Variants in NF1 observed in about 807,000 individuals in gnomAD.
NF1 encodes neurofibromin 1, also known as neurofibromin.
In NF1, 122 loss-of-function variants were observed where a neutral mutation model predicts 325.7. The observed-to-expected ratio is 0.37, with a 90% CI of 0.32 to 0.44. The LOEUF (loss-of-function observed/expected upper bound fraction) is 0.44. NF1 is among the 20% of genes least tolerant of loss of function. The probability of loss-of-function intolerance (pLI) is 1.00; values close to 1 mark genes in which losing one functional copy is unlikely to be tolerated. For synonymous variants in NF1, 1,091 were observed against 1,186.0 expected, an observed-to-expected ratio of 0.92 and a Z score of 1.65; for missense variants, 2,140 against 3,415.4, an observed-to-expected ratio of 0.63 and a Z score of 9.31.
intron 36 of NF1, among the ~76,000 whole-genome samples, chr17:31,283,262 A>G (rs1428326049): frequency 2.0e-5 from 3 of 151,952 alleles, no homozygotes. Context: ...CTAAAAATAC[A>G]AAAACTTAGC....
At chr17:31,125,094 C>T (rs114432837) in intron 1 of NF1, among the ~76,000 whole-genome samples, 1 of 152,062 alleles carries the variant, frequency 6.6e-6, no homozygotes, top group African/African-American at 2.4e-5. Context: ...ATTCCCCCTA[C>T]CACTATCTTG....
intron 1 of NF1, among the ~76,000 whole-genome samples, chr17:31,101,722 T>A (rs1330916328): frequency 6.6e-6 from 1 of 152,208 alleles, no homozygotes; most frequent in Non-Finnish European, 1.5e-5. Context: ...TCATTTTTTT[T>A]TTTTCCCCAT....
chr17:31,301,844 C>T (rs143012425), intron 36 of NF1, among the ~76,000 whole-genome samples: 252 of 152,316 alleles, frequency 1.7e-3, no homozygotes, highest in Non-Finnish European at 2.0e-3. Context: ...AAGAGCACCA[C>T]TAGTATGTGG....
chr17:31,198,761 T>C (rs1447822324), intron 8 of NF1, among the ~76,000 whole-genome samples: 1 of 151,990 alleles, frequency 6.6e-6, no homozygotes, highest in Non-Finnish European at 1.5e-5. Context: ...ACTACAGGCA[T>C]GCACCACCAT....
chr17:31,187,334 G>A (rs905646904), intron 8 of NF1, among the ~76,000 whole-genome samples: 2 of 152,180 alleles, frequency 1.3e-5, no homozygotes, highest in South Asian at 2.1e-4. Context: ...GAGTACCTGG[G>A]ACTATAGGTG....
In NF1 at chr17:31,340,560, A is replaced by G; in HGVS notation, c.6977A>G (p.Asp2326Gly). The stretch of plus-strand genomic sequence containing the variant: ...GTAGCTGTGGCTGTGCTGCAGCTTG[A>G]TGAGGTCAACTTGTATTCAGCAGGT... ...FWVAVAVLQL[D>G]EVNLYSAGTA... is the part of the protein sequence containing the mutation. The change falls in exon 47 of 58, where the codon GAT becomes GGT. Residue 2326 changes from aspartate (D) to glycine (G), a missense_variant. By Grantham distance (94) the Asp-to-Gly change is moderately conservative. This residue lies in a region of NF1 where 522 missense variants were observed against 749.0 expected (regional missense o/e 0.70). Transcript: ENST00000358273. The G allele has an allele frequency of 6.2e-7, 1 of 1,614,150 alleles. No individual in the cohort carries two copies. Among genetic ancestry groups the G allele is most frequent in the Non-Finnish European group, 8.5e-7 (1 of 1,180,024 alleles).
intron 36 of NF1, among the ~76,000 whole-genome samples, chr17:31,310,707 C>T (rs1293759739): frequency 3.9e-5 from 6 of 151,950 alleles, no homozygotes; most frequent in East Asian, 1.9e-4. Context: ...TACCCGTGTA[C>T]GTTTTATATA....
Position 31,163,374 on chromosome 17 carries a change from C to A in NF1, c.477C>A (p.Thr159=), listed in dbSNP as rs1567818021. 1.2e-6 allele frequency: 2 copies of A among 1,613,754 alleles called. No individual in the cohort carries two copies. Among genetic ancestry groups the A allele is most frequent in the Non-Finnish European group, 1.7e-6 (2 of 1,179,856 alleles). Residue 159 remains threonine, a splice_region_variant and synonymous_variant, in exon 4 of 58, where the codon ACC becomes ACA. Coordinates refer to ENST00000358273, the MANE Select transcript of NF1 (RefSeq NM_001042492.3). ...ATGCAGTCTTTAGTCGCATTTCTAC[C>A]AGGTTAGTGTGTAAATCCACATGGG... is the stretch of plus-strand genomic sequence containing the variant. ...NFNAVFSRIS[T]RLQELTVCSE... is the part of the protein sequence containing the mutation.
At chr17:31,238,732 TAAAAAAAA>T (rs796369919) in intron 29 of NF1, among the ~76,000 whole-genome samples, 1 of 120,952 alleles carries the variant, frequency 8.3e-6, no homozygotes, top group East Asian at 2.3e-4. Flanking sequence ...AGACTCTGTC[TAAAAAAAA>T]AAAAAAAAGA....
intron 47 of NF1, among the ~76,000 whole-genome samples, chr17:31,341,690 T>G (rs560796091): frequency 3.7e-4 from 55 of 148,916 alleles, no homozygotes; most frequent in African/African-American, 1.2e-3. Flanking sequence ...GCTAATGGGG[T>G]GTGTGTGTGT....
At position 31,163,173 on chromosome 17, in the gene NF1, AT is replaced by A; in HGVS notation, c.289-10del. 1 of 1,613,200 alleles carries A rather than the reference AT, an allele frequency of 6.2e-7. No individual in the cohort carries two copies. The highest frequency in any genetic ancestry group is 8.5e-7 in the Non-Finnish European group (1 of 1,179,266). On this transcript the variant is annotated splice_polypyrimidine_tract_variant and intron_variant, in intron 3 of 57. Transcript: ENST00000358273. ...AATTAAAGTTTAGAATAATGTGATT[AT>A]TTCTATTTTAGCAACCAAAGGACAC...
At chr17:31,227,328 C>A in intron 19 of NF1, 37 bp downstream of exon 19, 1 of 1,602,976 alleles carries the variant, frequency 6.2e-7, no homozygotes, top group Non-Finnish European at 8.5e-7. Flanking sequence ...CTCCCAGGCG[C>A]CCACCCTCAA....
chr17:31,112,614 A>AT (rs1913512799), intron 1 of NF1, among the ~76,000 whole-genome samples: 1 of 152,100 alleles, frequency 6.6e-6, no homozygotes, highest in Non-Finnish European at 1.5e-5. Context: ...TCTTTTGCCC[A>AT]TTTTTAAAAA....
intron 2 of NF1, among the ~76,000 whole-genome samples, chr17:31,156,697 T>G (rs941804886): frequency 6.6e-6 from 1 of 152,298 alleles, no homozygotes; most frequent in African/African-American, 2.4e-5. Context: ...ATCAAATAAT[T>G]CCACTGTTAA....
At chr17:31,261,895 T>C in intron 35 of NF1, 38 bp downstream of exon 35, 1 of 1,610,930 alleles carries the variant, frequency 6.2e-7, no homozygotes, top group Non-Finnish European at 8.5e-7. Context: ...TGCTTTCTTT[T>C]TGGTTGAGAA....
intron 36 of NF1, among the ~76,000 whole-genome samples, chr17:31,320,016 C>T (rs1392638295): frequency 6.6e-6 from 1 of 151,876 alleles, no homozygotes; most frequent in East Asian, 1.9e-4. Flanking sequence ...GAAACTAGTA[C>T]AAAAAGGAGA....
At chr17:31,341,622 C>T (rs1219867449) in intron 47 of NF1, among the ~76,000 whole-genome samples, 9 of 37,374 alleles carry the variant, frequency 2.4e-4, no homozygotes, top group Non-Finnish European at 6.1e-4. Context: ...TGTGTGTGTA[C>T]ACACATAAAA....
chr17:31,221,089 G>A (rs1304660064), intron 14 of NF1, among the ~76,000 whole-genome samples: 1 of 152,096 alleles, frequency 6.6e-6, no homozygotes, highest in Non-Finnish European at 1.5e-5. Context: ...TTTCTGCTGG[G>A]TTGGGGGTGG....
At chr17:31,180,706 C>CA (rs1162506961) in intron 5 of NF1, among the ~76,000 whole-genome samples, 1 of 152,200 alleles carries the variant, frequency 6.6e-6, no homozygotes, top group Non-Finnish European at 1.5e-5. Flanking sequence ...TGCCCTCTCT[C>CA]ACCACTCCTA....
Sources: gnomAD v4.1 joint callset for allele counts (sites outside exome capture counted in the v4.1 genomes callset) on GRCh38, gnomAD v4.1.1 for gene constraint, gnomAD v4.1.1 regional missense constraint, MANE v1.5 for transcripts, NCBI Gene and HGNC (gene_info 2026-07-23, HGNC 2026-07-21) for gene names.